The following IGSF11 variants were observed in gnomAD, a reference collection of about 807,000 sequenced individuals.
IGSF11 encodes CXADR like 1.
A neutral mutation model predicts 41.0 loss-of-function variants in IGSF11; 22 were observed. That is an observed-to-expected ratio of 0.54 (90% CI 0.38 to 0.77). IGSF11 has a LOEUF of 0.77. Among genes scored for constraint, IGSF11 ranks in the 30% least tolerant of loss-of-function variants. The probability of loss-of-function intolerance (pLI) is 0.00; values close to 1 mark genes in which losing one functional copy is unlikely to be tolerated. For missense variants in IGSF11, 444 were observed against 530.8 expected, an observed-to-expected ratio of 0.84 and a Z score of 1.61; for synonymous variants, 219 against 201.3, an observed-to-expected ratio of 1.09 and a Z score of -0.74.
At chr3:118,926,759 A>G (rs986997513) in intron 3 of IGSF11, among the ~76,000 whole-genome samples, 6 of 152,186 alleles carry the variant, frequency 3.9e-5, no homozygotes, top group Non-Finnish European at 8.8e-5. Flanking sequence ...AAGTTAAACT[A>G]AGGTTCAGGT....
At chr3:119,003,513 G>A (rs1937126133) in intron 1 of IGSF11, among the ~76,000 whole-genome samples, 1 of 151,056 alleles carries the variant, frequency 6.6e-6, no homozygotes, top group Non-Finnish European at 1.5e-5. Flanking sequence ...ACACTATGTT[G>A]AATAGGAGCG....
intron 1 of IGSF11, among the ~76,000 whole-genome samples, chr3:119,059,178 A>C (rs1297317624): frequency 1.6e-5 from 1 of 64,222 alleles, no homozygotes; most frequent in East Asian, 4.1e-4. Flanking sequence ...ATATACACAG[A>C]TCACACACAC....
intron 1 of IGSF11, among the ~76,000 whole-genome samples, chr3:119,006,572 GT>G (rs1333678822): frequency 7.8e-6 from 1 of 127,762 alleles, no homozygotes; most frequent in Non-Finnish European, 1.6e-5. Context: ...TTTCTGTTCT[GT>G]TTTTTCCCCA....
intron 1 of IGSF11, among the ~76,000 whole-genome samples, chr3:119,032,864 C>G (rs1940547185): frequency 6.6e-6 from 1 of 152,186 alleles, no homozygotes; most frequent in South Asian, 2.1e-4. Context: ...TCTTTGTATT[C>G]CACCACCACC....
At chr3:119,081,007 T>C (rs2076577801) in intron 1 of IGSF11, among the ~76,000 whole-genome samples, 1 of 152,160 alleles carries the variant, frequency 6.6e-6, no homozygotes, top group Non-Finnish European at 1.5e-5. Flanking sequence ...GGGAAATATA[T>C]TGGTACCTCT....
At chr3:118,986,509 T>A (rs184434428) in intron 1 of IGSF11, among the ~76,000 whole-genome samples, 1 of 152,344 alleles carries the variant, frequency 6.6e-6, no homozygotes, top group Admixed American at 6.5e-5. Context: ...TAATAATTTG[T>A]ATGCTCAATT....
At chr3:119,092,587 C>T (rs2076781785) in intron 1 of IGSF11, among the ~76,000 whole-genome samples, 2 of 152,140 alleles carry the variant, frequency 1.3e-5, no homozygotes, top group Non-Finnish European at 2.9e-5. Flanking sequence ...CTCTCAGCCT[C>T]CCAAAGTGCG....
intron 1 of IGSF11, among the ~76,000 whole-genome samples, chr3:118,963,858 A>C (rs1945499459): frequency 6.6e-6 from 1 of 152,168 alleles, no homozygotes; most frequent in Non-Finnish European, 1.5e-5. Context: ...CATTGACTTT[A>C]ATTGACTGGT....
chr3:119,038,537 C>G (rs1940997026), upstream of IGSF11, among the ~76,000 whole-genome samples: 1 of 152,144 alleles, frequency 6.6e-6, no homozygotes, highest in Non-Finnish European at 1.5e-5. Flanking sequence ...TAAAGTTACT[C>G]TCTGAGCAGG....
intron 2 of IGSF11, 126 bp from the exon 3 acceptor site, chr3:118,928,842 A>C (rs1576395411): frequency 1.5e-6 from 1 of 678,444 alleles, no homozygotes; most frequent in East Asian, 2.7e-5. Context: ...CTAATATGAT[A>C]ATTATCATCA....
chr3:118,999,320 C>T (rs538341838), intron 1 of IGSF11, among the ~76,000 whole-genome samples: 8 of 151,956 alleles, frequency 5.3e-5, no homozygotes, highest in Non-Finnish European at 1.0e-4. Flanking sequence ...TGAATACTTT[C>T]GAAAACATAT....
At chr3:118,928,809 C>G (rs1692168536) in intron 2 of IGSF11, 93 bp from the exon 3 acceptor site, 1 of 874,990 alleles carries the variant, frequency 1.1e-6, no homozygotes, top group Non-Finnish European at 1.7e-6. Flanking sequence ...AAATGCTGCA[C>G]CAAACATTGG....
intron 1 of IGSF11, among the ~76,000 whole-genome samples, chr3:119,010,769 A>C (rs185521825): frequency 3.7e-4 from 57 of 152,320 alleles, no homozygotes; most frequent in Non-Finnish European, 6.2e-4. Context: ...ACATATCTAT[A>C]TATATCTAAT....
intron 1 of IGSF11, among the ~76,000 whole-genome samples, chr3:119,089,216 A>G (rs1028560521): frequency 2.6e-5 from 4 of 152,202 alleles, no homozygotes; most frequent in African/African-American, 9.7e-5. Flanking sequence ...CAGCACATCA[A>G]AAAGTTAATA....
chr3:119,135,501 A>C (rs1183328776), intron 1 of IGSF11, among the ~76,000 whole-genome samples: 1 of 152,220 alleles, frequency 6.6e-6, no homozygotes, highest in Non-Finnish European at 1.5e-5. Context: ...TGCAAATCAA[A>C]ATCACAATGA....
chr3:119,096,417 T>G (rs2076852144), intron 1 of IGSF11, among the ~76,000 whole-genome samples: 9 of 151,934 alleles, frequency 5.9e-5, no homozygotes, highest in Admixed American at 5.9e-4. Flanking sequence ...TACATATATA[T>G]GGTTATAAAT....
chr3:118,983,706 C>A (rs1934970335), intron 1 of IGSF11, among the ~76,000 whole-genome samples: 1 of 152,078 alleles, frequency 6.6e-6, no homozygotes. Flanking sequence ...TTACACAGAG[C>A]CAGTATTTAA....
chr3:119,105,297 A>G, upstream of IGSF11: 2 of 720,362 alleles, frequency 2.8e-6, no homozygotes, highest in East Asian at 2.8e-5. Context: ...AGTTTATTTT[A>G]GGAAAACCTT....
chr3:119,138,158 C>CAAA (rs71156733), intron 1 of IGSF11, among the ~76,000 whole-genome samples: 1 of 134,060 alleles, frequency 7.5e-6, no homozygotes, highest in Non-Finnish European at 1.6e-5. Flanking sequence ...GGTTCCTCAA[C>CAAA]AAAAAAAAAA....
Sources: allele counts gnomAD v4.1 joint callset (sites outside exome capture counted in the v4.1 genomes callset), GRCh38; gene constraint gnomAD v4.1.1; transcripts MANE v1.5; gene names NCBI Gene and HGNC (gene_info 2026-07-23, HGNC 2026-07-21).